THADA: variants seen among roughly 807,000 people sequenced by gnomAD.
THADA encodes tRNA (32-2'-O)-methyltransferase regulator THADA.
In THADA, 213 loss-of-function variants were observed where a neutral mutation model predicts 219.8. The ratio of observed to expected loss-of-function variants is 0.97; its 90% CI spans 0.87 to 1.09. The LOEUF is 1.09. Ranked by LOEUF, THADA falls within the 50% of genes least tolerant of loss-of-function variation. The pLI is 0.00. For synonymous variants in THADA, 1,018 were observed against 828.9 expected, an observed-to-expected ratio of 1.23 and a Z score of -3.92; for missense variants, 2,956 against 2,311.3, an observed-to-expected ratio of 1.28 and a Z score of -5.72.
chr2:43,231,340 CCACCTAAATCAGATGAAA>C lies in THADA; in HGVS notation c.5467-15_5469del. ...GCTTTTTCAAACAGGTAGTCTTCTT[CCACCTAAATCAGATGAAA>C]AAGCCGAAAGTCAGTCTTACAGGGA... On this transcript the variant is annotated splice_acceptor_variant and splice_polypyrimidine_tract_variant and coding_sequence_variant and intron_variant, in exon 38 of 38. Coordinates refer to ENST00000405975, the MANE Select transcript of THADA (RefSeq NM_022065.5). LOFTEE classifies it high-confidence loss of function. 1 of 1,525,580 alleles carries C rather than the reference CCACCTAAATCAGATGAAA, an allele frequency of 6.6e-7. No homozygotes were observed. Among genetic ancestry groups the C allele is most frequent in the Non-Finnish European group, 8.8e-7 (1 of 1,139,592 alleles). The allele number at this position is 1,525,580 out of a possible 1,614,324, so 94.5% of individuals were successfully genotyped here. A position where few individuals can be genotyped will look rare whatever the true frequency, so the allele number is the denominator to read the frequency against.
chr2:43,513,556 A>G (rs533150052), intron 22 of THADA, among the ~76,000 whole-genome samples: 1 of 152,318 alleles, frequency 6.6e-6, no homozygotes, highest in East Asian at 1.9e-4. Context: ...CCAAGGGCAC[A>G]GGGGGCCTCT....
rs1452984268 is a variant in THADA, at chr2:43,514,635, T to TAA, written c.3375-5856_3375-5855insTT. Among the ~76,000 whole-genome samples, 171 of 84,672 alleles carry TAA rather than the reference T, an allele frequency of 2.0e-3. 17 individuals are homozygous for TAA. The highest frequency in any genetic ancestry group is 6.1e-3 in the South Asian group (19 of 3,104). The allele number at this position is 84,672 out of a possible 152,430, so 55.5% of individuals were successfully genotyped here. Reference sequence around the variant, plus strand: ...TTTATATATTTTATATATATGTATATTTTATATATAATATATATATTGTAT... The same window carrying TAA: ...TTTATATATTTTATATATATGTATATAATTTATATATAATATATATATTGTAT... On this transcript the variant is annotated intron_variant, in intron 22 of 37. Transcript: ENST00000405975.
At chr2:43,449,529 CAA>C (rs996907877) in intron 26 of THADA, among the ~76,000 whole-genome samples, 1 of 152,118 alleles carries the variant, frequency 6.6e-6, no homozygotes, top group African/African-American at 2.4e-5. Context: ...ATCAAACTGT[CAA>C]AAGACAAAGA....
chr2:43,421,570 T>C (rs933177909), intron 28 of THADA, among the ~76,000 whole-genome samples: 2 of 152,116 alleles, frequency 1.3e-5, no homozygotes, highest in Non-Finnish European at 2.9e-5. Context: ...CAATAAAGAG[T>C]TATCTACTAT....
chr2:43,377,021 A>G (rs537162484), intron 29 of THADA, among the ~76,000 whole-genome samples: 1 of 152,288 alleles, frequency 6.6e-6, no homozygotes, highest in African/African-American at 2.4e-5. Context: ...CAGGCCACCC[A>G]CAGGTTTAAA....
intron 26 of THADA, among the ~76,000 whole-genome samples, chr2:43,443,870 G>C (rs138644795): frequency 1.3e-5 from 2 of 152,278 alleles, no homozygotes; most frequent in African/African-American, 4.8e-5. Context: ...CTAGCACAAA[G>C]CATAAGGTGC....
chr2:43,251,469 A>G (rs1669799557), intron 36 of THADA, among the ~76,000 whole-genome samples: 1 of 152,204 alleles, frequency 6.6e-6, no homozygotes, highest in Admixed American at 6.5e-5. Context: ...CTTTAAACCC[A>G]TTTGTTGCTC....
At chr2:43,267,430 C>A (rs558183778) in intron 36 of THADA, among the ~76,000 whole-genome samples, 234 of 152,310 alleles carry the variant, frequency 1.5e-3, no homozygotes, top group African/African-American at 5.5e-3. Context: ...AAGAAGATGG[C>A]AGATTGCGAG....
Position 43,574,841 on chromosome 2 carries a change from T to G in THADA, c.1224A>C (p.Arg408Ser). 6.2e-7 allele frequency: 1 copy of G among 1,613,996 alleles called. No individual in the cohort carries two copies. The highest frequency in any genetic ancestry group is 8.5e-7 in the Non-Finnish European group (1 of 1,179,896). ...TTTTGAACATGATTTTGGTTTGGTG[T>G]CTCAGAGCATCCAATGGATGTTCCC... is the stretch of plus-strand genomic sequence containing the variant. The part of the protein sequence containing the change: ...THWEHPLDAL[R>S]HQTKIMFKNL... Residue 408 changes from arginine to serine, a missense_variant, in exon 11 of 38, where the codon AGA becomes AGC. Coordinates refer to ENST00000405975, the MANE Select transcript of THADA (RefSeq NM_022065.5).
chr2:43,527,163 A>T (rs143164933), intron 22 of THADA, among the ~76,000 whole-genome samples: 9 of 152,352 alleles, frequency 5.9e-5, no homozygotes, highest in African/African-American at 2.2e-4. Flanking sequence ...CTGAGGCTAC[A>T]AGGCTGGCAG....
At chr2:43,394,967 A>AT (rs1673851014) in intron 29 of THADA, among the ~76,000 whole-genome samples, 1 of 152,200 alleles carries the variant, frequency 6.6e-6, no homozygotes. Context: ...AGGATTTCAC[A>AT]TTTTATCTAG....
At chr2:43,407,379 T>G (rs995073356) in intron 28 of THADA, among the ~76,000 whole-genome samples, 1 of 152,210 alleles carries the variant, frequency 6.6e-6, no homozygotes, top group Non-Finnish European at 1.5e-5. Context: ...AAAAACTTTT[T>G]TTTAGCTTTC....
chr2:43,471,559 T>C (rs1684908059), intron 26 of THADA, among the ~76,000 whole-genome samples: 1 of 151,850 alleles, frequency 6.6e-6, no homozygotes, highest in South Asian at 2.1e-4. Context: ...ATATAAAGAG[T>C]ACATATCTAA....
intron 8 of THADA, among the ~76,000 whole-genome samples, chr2:43,580,053 G>C (rs1443923604): frequency 1.4e-5 from 2 of 147,262 alleles, no homozygotes; most frequent in Non-Finnish European, 3.0e-5. Flanking sequence ...TGAGACGGAG[G>C]CTTGCTCTGT....
chr2:43,486,250 A>C (rs2105016183), intron 25 of THADA, among the ~76,000 whole-genome samples: 1 of 152,240 alleles, frequency 6.6e-6, no homozygotes, highest in East Asian at 1.9e-4. Context: ...AGTAAAGATA[A>C]GAGGCAGGAA....
At chr2:43,488,630 T>G (rs1047518054) in intron 25 of THADA, among the ~76,000 whole-genome samples, 1 of 152,222 alleles carries the variant, frequency 6.6e-6, no homozygotes, top group African/African-American at 2.4e-5. Context: ...ATGAATAATT[T>G]TGCTAAGAAT....
chr2:43,433,656 T>TTG (rs960871213), intron 26 of THADA, among the ~76,000 whole-genome samples: 47 of 151,542 alleles, frequency 3.1e-4, no homozygotes, highest in African/African-American at 4.6e-4. Flanking sequence ...AAAACAGTAA[T>TTG]TGTGTGTGTG....
At chr2:43,558,983 C>T (rs376987478) in intron 16 of THADA, among the ~76,000 whole-genome samples, 5 of 152,094 alleles carry the variant, frequency 3.3e-5, no homozygotes, top group Admixed American at 2.6e-4. Context: ...ATGCAGAGGT[C>T]CCCTGAGCCC....
At chr2:43,479,173 C>T (rs1334268230) in intron 26 of THADA, among the ~76,000 whole-genome samples, 1 of 152,194 alleles carries the variant, frequency 6.6e-6, no homozygotes, top group Non-Finnish European at 1.5e-5. Flanking sequence ...AGAAAATTAA[C>T]TTCATACTTT....
Sources: allele counts gnomAD v4.1 joint callset (sites outside exome capture counted in the v4.1 genomes callset), GRCh38; gene constraint gnomAD v4.1.1; transcripts MANE v1.5; gene names NCBI Gene and HGNC (gene_info 2026-07-23, HGNC 2026-07-21).